The following CAMK2D variants were observed in gnomAD, a reference collection of about 807,000 sequenced individuals.
The protein encoded by CAMK2D is calcium/calmodulin-dependent protein kinase type II subunit delta.
Under a neutral mutation model 84.0 loss-of-function variants are expected in CAMK2D, and 37 were observed. The observed-to-expected ratio is 0.44, with a 90% CI of 0.34 to 0.58. CAMK2D has a LOEUF of 0.58. Ranked by LOEUF, CAMK2D falls within the 20% of genes least tolerant of loss-of-function variation. The pLI, the probability that CAMK2D is intolerant of heterozygous loss-of-function variation, is 0.02. For missense variants in CAMK2D, 448 were observed against 652.5 expected (o/e 0.69, Z 3.41); for synonymous variants, 202 against 212.5 (o/e 0.95, Z 0.43).
chr4:113,591,988 T>C (rs1038509700), intron 4 of CAMK2D, among the ~76,000 whole-genome samples: 7 of 152,224 alleles, frequency 4.6e-5, no homozygotes, highest in African/African-American at 1.4e-4. Context: ...GTCTTATTCA[T>C]GGGTTTACCT....
chr4:113,674,779 G>T (rs902926375), intron 2 of CAMK2D, among the ~76,000 whole-genome samples: 1 of 151,962 alleles, frequency 6.6e-6, no homozygotes, highest in Admixed American at 6.6e-5. Context: ...ATGGAAAGGG[G>T]GTGGCAAGGG....
chr4:113,614,459 CT>C (rs1355466709), intron 3 of CAMK2D, among the ~76,000 whole-genome samples: 2 of 152,066 alleles, frequency 1.3e-5, no homozygotes, highest in African/African-American at 4.8e-5. Flanking sequence ...CAAGCAAAAC[CT>C]TAATATGTTT....
chr4:113,498,433 G>A (rs1380929948), intron 16 of CAMK2D, among the ~76,000 whole-genome samples: 1 of 152,150 alleles, frequency 6.6e-6, no homozygotes, highest in Non-Finnish European at 1.5e-5. Flanking sequence ...GGGTCTTACA[G>A]AGAACACAAA....
intron 2 of CAMK2D, among the ~76,000 whole-genome samples, chr4:113,741,797 T>C (rs1353224076): frequency 2.0e-5 from 3 of 152,164 alleles, no homozygotes; most frequent in Non-Finnish European, 4.4e-5. Flanking sequence ...AACATCATCA[T>C]GTACTTCTCT....
At chr4:113,580,392 A>G (rs1237019469) in intron 4 of CAMK2D, among the ~76,000 whole-genome samples, 1 of 152,246 alleles carries the variant, frequency 6.6e-6, no homozygotes, top group Non-Finnish European at 1.5e-5. Context: ...CCTTTTAAAT[A>G]TAGCACAATG....
intron 4 of CAMK2D, among the ~76,000 whole-genome samples, chr4:113,595,541 GTTA>G (rs2098921368): frequency 1.3e-5 from 2 of 151,356 alleles, no homozygotes; most frequent in African/African-American, 4.9e-5. Flanking sequence ...CTAACATTTT[GTTA>G]TTATAAGATA....
chr4:113,658,992 G>A (rs1444421781), intron 3 of CAMK2D, among the ~76,000 whole-genome samples: 1 of 152,212 alleles, frequency 6.6e-6, no homozygotes, highest in East Asian at 1.9e-4. Flanking sequence ...TGTGTCAGAA[G>A]GTGTTGACAA....
chr4:113,503,050 G>A, intron 14 of CAMK2D, 73 bp from the exon 15 acceptor site: 1 of 1,034,796 alleles, frequency 9.7e-7, no homozygotes, highest in Non-Finnish European at 1.5e-6. Context: ...GAAGGACAGA[G>A]CAGAGTGAGC....
intron 2 of CAMK2D, among the ~76,000 whole-genome samples, chr4:113,736,002 T>C (rs1310243755): frequency 3.3e-5 from 5 of 152,066 alleles, no homozygotes; most frequent in Non-Finnish European, 7.4e-5. Context: ...CATCTTTATA[T>C]GACTATTCAG....
intron 4 of CAMK2D, among the ~76,000 whole-genome samples, chr4:113,558,974 C>A (rs901708193): frequency 6.6e-6 from 1 of 151,804 alleles, no homozygotes; most frequent in Non-Finnish European, 1.5e-5. Context: ...AGAGCGAGAC[C>A]CTGTCTCAAA....
chr4:113,625,120 G>A (rs1279791742), intron 3 of CAMK2D, among the ~76,000 whole-genome samples: 1 of 152,168 alleles, frequency 6.6e-6, no homozygotes, highest in African/African-American at 2.4e-5. Flanking sequence ...TTATCTTCTA[G>A]TTACATGTAC....
At chr4:113,509,827 G>A (rs2098186453) in intron 12 of CAMK2D, 152 bp from the exon 13 acceptor site, 2 of 626,994 alleles carry the variant, frequency 3.2e-6, no homozygotes, top group Non-Finnish European at 5.7e-6. Flanking sequence ...ATGAACGCGA[G>A]CTTACAGGAC....
chr4:113,654,651 C>T (rs1452407541), intron 3 of CAMK2D, among the ~76,000 whole-genome samples: 1 of 151,930 alleles, frequency 6.6e-6, no homozygotes, highest in East Asian at 1.9e-4. Flanking sequence ...AGTTAGGTTC[C>T]CTAAACATCG....
chr4:113,735,312 A>T (rs1290795805), intron 2 of CAMK2D, among the ~76,000 whole-genome samples: 8 of 146,210 alleles, frequency 5.5e-5, no homozygotes, highest in Non-Finnish European at 1.1e-4. Context: ...AAAAAAAAAA[A>T]AAAAAAAAAA....
At chr4:113,546,778 C>T (rs1334452105) in intron 6 of CAMK2D, among the ~76,000 whole-genome samples, 9 of 152,110 alleles carry the variant, frequency 5.9e-5, no homozygotes, top group Admixed American at 2.6e-4. Flanking sequence ...TTTTTCTTTT[C>T]GATTTCTAGG....
At chr4:113,461,604 A>G (rs985087670) in intron 17 of CAMK2D, among the ~76,000 whole-genome samples, 1 of 152,174 alleles carries the variant, frequency 6.6e-6, no homozygotes, top group African/African-American at 2.4e-5. Flanking sequence ...CTTTGGGCCT[A>G]TGGTGATCAG....
At chr4:113,457,041 T>A (rs576981014) in intron 19 of CAMK2D, 1 of 342,982 alleles carries the variant, frequency 2.9e-6, no homozygotes, top group African/African-American at 2.1e-5. Context: ...CACAAATATT[T>A]TGCCTTATTA....
At chr4:113,726,478 C>A (rs1457514947) in intron 2 of CAMK2D, among the ~76,000 whole-genome samples, 1 of 146,432 alleles carries the variant, frequency 6.8e-6, no homozygotes, top group East Asian at 2.1e-4. Context: ...AACTCCTGGG[C>A]TCAAGTGATC....
intron 4 of CAMK2D, among the ~76,000 whole-genome samples, chr4:113,560,126 A>C (rs1252645061): frequency 6.6e-6 from 1 of 151,368 alleles, no homozygotes; most frequent in Non-Finnish European, 1.5e-5. Flanking sequence ...GGAAGGGCTC[A>C]GGCTACAGTC....
Sources: gnomAD v4.1 joint callset for allele counts (sites outside exome capture counted in the v4.1 genomes callset) on GRCh38, gnomAD v4.1.1 for gene constraint, MANE v1.5 for transcripts, NCBI Gene and HGNC (gene_info 2026-07-23, HGNC 2026-07-21) for gene names.